DRC11: variants seen among roughly 807,000 people sequenced by gnomAD.
DRC11 encodes dynein regulatory complex subunit 11.
chr2:236,381,477 C>A, the DRC11 span, among the ~76,000 whole-genome samples: 1 of 151,270 alleles, frequency 6.6e-6, no homozygotes, highest in Non-Finnish European at 1.5e-5. The surrounding 1 kb of genome is among the most constrained non-coding windows in gnomAD (Gnocchi z 5.8). Flanking sequence ...AATCGCCTTT[C>A]GCAGCTCCCA....
At chr2:236,352,998 C>A in the DRC11 span, among the ~76,000 whole-genome samples, 1 of 152,096 alleles carries the variant, frequency 6.6e-6, no homozygotes, top group African/African-American at 2.4e-5. This position sits in a 1 kb window ranked among gnomAD's most constrained non-coding sequence, Gnocchi z 7.0. Context: ...ACACTCTCCC[C>A]AGGAATAAAT....
chr2:236,485,502 A>G, the DRC11 span, among the ~76,000 whole-genome samples: 3 of 152,180 alleles, frequency 2.0e-5, no homozygotes, highest in Admixed American at 2.0e-4. Flanking sequence ...TGCTGGAATG[A>G]GGCCCCAAAG....
the DRC11 span, among the ~76,000 whole-genome samples, chr2:236,347,508 C>CCATATATATA: frequency 2.8e-5 from 3 of 107,488 alleles, no homozygotes; most frequent in Admixed American, 9.2e-5. Flanking sequence ...AAAAACTGTG[C>CCATATATATA]TATATATATA....
At chr2:236,399,235 C>T in the DRC11 span, among the ~76,000 whole-genome samples, 1 of 152,034 alleles carries the variant, frequency 6.6e-6, no homozygotes, top group Non-Finnish European at 1.5e-5. The surrounding 1 kb of genome is among the most constrained non-coding windows in gnomAD (Gnocchi z 7.0). Flanking sequence ...TGTGATCTGC[C>T]CACCTCGGCC....
the DRC11 span, among the ~76,000 whole-genome samples, chr2:236,358,055 ATATT>A: frequency 8.4e-5 from 10 of 119,446 alleles, no homozygotes; most frequent in African/African-American, 2.7e-4. Flanking sequence ...ATATAGATAT[ATATT>A]ATATGAATAT....
the DRC11 span, among the ~76,000 whole-genome samples, chr2:236,432,537 G>A: frequency 3.3e-5 from 5 of 151,998 alleles, no homozygotes; most frequent in East Asian, 1.9e-4. Flanking sequence ...ATTATGTTTC[G>A]AATTCATTTG....
chr2:236,503,587 G>A, the DRC11 span: 1 of 1,517,914 alleles, frequency 6.6e-7, no homozygotes, highest in African/African-American at 1.4e-5. This position sits in a 1 kb window ranked among gnomAD's most constrained non-coding sequence, Gnocchi z 4.9. Flanking sequence ...CGGCTGACAG[G>A]AAAATGAGCA....
chr2:236,377,703 G>A, the DRC11 span, among the ~76,000 whole-genome samples: 1 of 152,140 alleles, frequency 6.6e-6, no homozygotes, highest in Non-Finnish European at 1.5e-5. This position sits in a 1 kb window ranked among gnomAD's most constrained non-coding sequence, Gnocchi z 4.9. Flanking sequence ...AACGTCTAAA[G>A]CAATGAGGGT....
chr2:236,444,374 T>C, the DRC11 span, among the ~76,000 whole-genome samples: 39,941 of 152,258 alleles, frequency 0.26, 5,568 homozygotes, highest in African/African-American at 0.34. Flanking sequence ...GGCTTGATTC[T>C]CTGCTACTAT....
chr2:236,463,990 G>A, the DRC11 span, among the ~76,000 whole-genome samples: 1 of 152,328 alleles, frequency 6.6e-6, no homozygotes, highest in Admixed American at 6.5e-5. This position sits in a 1 kb window ranked among gnomAD's most constrained non-coding sequence, Gnocchi z 5.0. Flanking sequence ...ACTGGCTGTT[G>A]CCTGGGAGCC....
the DRC11 span, among the ~76,000 whole-genome samples, chr2:236,320,155 T>G: frequency 2.6e-5 from 4 of 152,346 alleles, no homozygotes; most frequent in African/African-American, 9.6e-5. Context: ...ATTCTAGTGG[T>G]GGAGGTTTCA....
the DRC11 span, among the ~76,000 whole-genome samples, chr2:236,431,254 C>T: frequency 1.8e-4 from 28 of 152,308 alleles, no homozygotes; most frequent in African/African-American, 6.5e-4. This position sits in a 1 kb window ranked among gnomAD's most constrained non-coding sequence, Gnocchi z 4.2. Flanking sequence ...AAATATCCAA[C>T]ACTGAGTAAT....
At chr2:236,474,410 G>A in the DRC11 span, among the ~76,000 whole-genome samples, 7 of 152,198 alleles carry the variant, frequency 4.6e-5, no homozygotes, top group Non-Finnish European at 8.8e-5. Context: ...GTGTAAGCTA[G>A]TAAGACTTTA....
At chr2:236,357,277 ATTATATAT>A in the DRC11 span, among the ~76,000 whole-genome samples, 14 of 82,534 alleles carry the variant, frequency 1.7e-4, no homozygotes, top group Admixed American at 1.0e-3. Context: ...ATATACATAT[ATTATATAT>A]TTATATATTA....
At chr2:236,369,345 C>T in the DRC11 span, among the ~76,000 whole-genome samples, 1 of 152,260 alleles carries the variant, frequency 6.6e-6, no homozygotes, top group Non-Finnish European at 1.5e-5. The surrounding 1 kb of genome is among the most constrained non-coding windows in gnomAD (Gnocchi z 4.5). Context: ...TCCACATGAA[C>T]AAAACGTCCT....
chr2:236,381,585 C>T, the DRC11 span, among the ~76,000 whole-genome samples: 1 of 152,256 alleles, frequency 6.6e-6, no homozygotes, highest in Middle Eastern at 3.2e-3. This position sits in a 1 kb window ranked among gnomAD's most constrained non-coding sequence, Gnocchi z 5.8. Context: ...AATCACCTTT[C>T]TCTGTTGGCA....
At chr2:236,307,025 C>T in the DRC11 span, among the ~76,000 whole-genome samples, 6 of 152,196 alleles carry the variant, frequency 3.9e-5, no homozygotes, top group South Asian at 4.1e-4. The surrounding 1 kb of genome is among the most constrained non-coding windows in gnomAD (Gnocchi z 7.0). Flanking sequence ...AGGGATGGGG[C>T]GGGGTGATTG....
chr2:236,464,981 C>T, the DRC11 span, among the ~76,000 whole-genome samples: 2 of 152,158 alleles, frequency 1.3e-5, no homozygotes, highest in African/African-American at 4.8e-5. Context: ...CTTGTAGAGC[C>T]TTGAGCCAAT....
At chr2:236,466,423 T>C in the DRC11 span, among the ~76,000 whole-genome samples, 1 of 152,246 alleles carries the variant, frequency 6.6e-6, no homozygotes, top group Non-Finnish European at 1.5e-5. Context: ...ACCCTTTGCA[T>C]TAGTCCATTT....
Sources: gnomAD v4.1 joint callset for allele counts (sites outside exome capture counted in the v4.1 genomes callset) on GRCh38, gnomAD v4.1.1 for gene constraint, Gnocchi (gnomAD v3.1) non-coding constraint, MANE v1.5 for transcripts, NCBI Gene and HGNC (gene_info 2026-07-23, HGNC 2026-07-21) for gene names.